RORA: variants seen among roughly 807,000 people sequenced by gnomAD.
RORA encodes the protein RAR related orphan receptor A.
A neutral mutation model predicts 69.5 loss-of-function variants in RORA; 7 were observed. The ratio of observed to expected loss-of-function variants is 0.10; its 90% CI spans 0.06 to 0.19. The LOEUF (loss-of-function observed/expected upper bound fraction) is 0.19, where lower values mean the gene tolerates loss of function less well. RORA is among the 10% of genes least tolerant of loss of function. The pLI, the probability that RORA is intolerant of heterozygous loss-of-function variation, is 1.00. For missense variants in RORA, 457 were observed against 663.0 expected, an observed-to-expected ratio of 0.69 and a Z score of 3.41; for synonymous variants, 261 against 240.8, an observed-to-expected ratio of 1.08 and a Z score of -0.78.
intron 1 of RORA, among the ~76,000 whole-genome samples, chr15:61,011,450 A>G (rs536433523): frequency 2.0e-5 from 3 of 152,314 alleles, no homozygotes; most frequent in Non-Finnish European, 4.4e-5. Context: ...TTTTAAATGT[A>G]TAAATCTCAC....
At chr15:60,725,668 G>C (rs1392528801) in intron 1 of RORA, among the ~76,000 whole-genome samples, 1 of 152,032 alleles carries the variant, frequency 6.6e-6, no homozygotes, top group African/African-American at 2.4e-5. Context: ...TATTCTTTTT[G>C]TTCTTTTTTG....
chr15:60,679,777 C>T (rs555548950), intron 1 of RORA, among the ~76,000 whole-genome samples: 11 of 152,168 alleles, frequency 7.2e-5, no homozygotes, highest in Admixed American at 2.6e-4. Context: ...AAGTTGGTTC[C>T]GAAGTTGTGA....
At chr15:60,938,053 C>A (rs1892578513) in intron 1 of RORA, among the ~76,000 whole-genome samples, 1 of 152,030 alleles carries the variant, frequency 6.6e-6, no homozygotes, top group Admixed American at 6.6e-5. Flanking sequence ...GAATTTGAAC[C>A]TAGGTTTTTA....
At chr15:60,809,526 T>A (rs2072711602) in intron 1 of RORA, among the ~76,000 whole-genome samples, 1 of 152,246 alleles carries the variant, frequency 6.6e-6, no homozygotes, top group Non-Finnish European at 1.5e-5. Context: ...AACAGGTTTA[T>A]GTAACTACTT....
intron 10 of RORA, among the ~76,000 whole-genome samples, chr15:60,498,799 A>G (rs1263013594): frequency 6.6e-6 from 1 of 152,132 alleles, no homozygotes; most frequent in Non-Finnish European, 1.5e-5. Flanking sequence ...GCAAAATCAA[A>G]AAGCAAAACA....
intron 1 of RORA, among the ~76,000 whole-genome samples, chr15:60,970,842 A>G (rs1893692840): frequency 6.6e-6 from 1 of 152,184 alleles, no homozygotes; most frequent in South Asian, 2.1e-4. Flanking sequence ...ATCACACTCT[A>G]AAATGAAAAG....
At chr15:60,543,863 C>T (rs781477441) in intron 2 of RORA, among the ~76,000 whole-genome samples, 5 of 152,086 alleles carry the variant, frequency 3.3e-5, no homozygotes, top group African/African-American at 7.2e-5. Context: ...TGTTGTGTAA[C>T]GACATGGAGT....
At position 60,496,234 on chromosome 15, in the gene RORA, A is replaced by G. The variant is rs1370454291; in HGVS notation, c.*1221T>C. ...AAGAACATAAACATTCACAAAGTAA[A>G]TACTTCATGTCCTCACATGGGGAGT... On this transcript the variant is annotated 3_prime_UTR_variant, in exon 11 of 11. Coordinates refer to ENST00000335670, the MANE Select transcript of RORA (RefSeq NM_134261.3). The surrounding 1 kb of genome is among the most constrained non-coding windows in gnomAD (Gnocchi z 4.5). 1.3e-5 allele frequency: 2 copies of G among 152,338 alleles called. No individual in the cohort carries two copies. The highest frequency in any genetic ancestry group is 2.9e-5 in the Non-Finnish European group (2 of 68,030). 9.4% of individuals were successfully genotyped at this position (152,338 alleles called of 1,614,324 possible).
chr15:61,087,963 G>A (rs924025885), intron 1 of RORA, among the ~76,000 whole-genome samples: 1 of 152,202 alleles, frequency 6.6e-6, no homozygotes, highest in African/African-American at 2.4e-5. Flanking sequence ...TCAGGGATAC[G>A]GCCTACGCCA....
At chr15:60,911,048 G>T (rs28671315) in intron 1 of RORA, among the ~76,000 whole-genome samples, 1 of 144,522 alleles carries the variant, frequency 6.9e-6, no homozygotes. Flanking sequence ...GATTACAGGC[G>T]CCCACCACCA....
At chr15:60,762,441 G>C (rs1452423944) in intron 1 of RORA, among the ~76,000 whole-genome samples, 2 of 152,182 alleles carry the variant, frequency 1.3e-5, no homozygotes, top group East Asian at 3.8e-4. Context: ...AGAGGCCTGG[G>C]CCTTGCCCCA....
intron 2 of RORA, among the ~76,000 whole-genome samples, chr15:60,571,091 A>G (rs1000826725): frequency 2.0e-5 from 3 of 151,862 alleles, no homozygotes; most frequent in African/African-American, 7.3e-5. Flanking sequence ...TCTATAATCA[A>G]TTCTGGAAAT....
chr15:61,209,077 A>G (rs1419274265), intron 1 of RORA, among the ~76,000 whole-genome samples: 1 of 152,210 alleles, frequency 6.6e-6, no homozygotes, highest in East Asian at 1.9e-4. Context: ...AGATTCACAG[A>G]TGAGTTTTTC....
Position 61,137,337 on chromosome 15 carries a change from T to C in RORA, c.166+91716A>G, listed in dbSNP as rs575938162. On this transcript the variant is annotated intron_variant, in intron 1 of 10. Coordinates refer to ENST00000335670, the MANE Select transcript of RORA (RefSeq NM_134261.3). Reference sequence around the variant, plus strand: ...GCAACAGCAGTTATAGCTCTAACTTTCATTTTCTCTCTGGCGCCCAAAGTG... The same window carrying C: ...GCAACAGCAGTTATAGCTCTAACTTCCATTTTCTCTCTGGCGCCCAAAGTG... Among the ~76,000 whole-genome samples the C allele has an allele frequency of 3.3e-4, 50 of 152,348 alleles. 1 individual carries two copies. The highest frequency in any genetic ancestry group is 1.2e-3 in the African/African-American group (48 of 41,582).
At chr15:60,523,049 A>G (rs1323926950) in intron 3 of RORA, among the ~76,000 whole-genome samples, 1 of 133,850 alleles carries the variant, frequency 7.5e-6, no homozygotes, top group Admixed American at 7.3e-5. Context: ...AAAAAAAAAC[A>G]CAAAAAAAAA....
chr15:60,899,747 G>C (rs1473317077), intron 1 of RORA, among the ~76,000 whole-genome samples: 1 of 152,206 alleles, frequency 6.6e-6, no homozygotes, highest in Non-Finnish European at 1.5e-5. Context: ...AGATTAAATA[G>C]AGCTTTATCA....
intron 1 of RORA, among the ~76,000 whole-genome samples, chr15:61,217,745 G>A (rs1272236093): frequency 6.6e-6 from 1 of 152,124 alleles, no homozygotes; most frequent in Non-Finnish European, 1.5e-5. Flanking sequence ...CTTACACACT[G>A]ATGTCAGCTC....
In RORA at chr15:61,041,705, C is replaced by T. The variant is rs548775575; in HGVS notation, c.166+187348G>A. Among the ~76,000 whole-genome samples, 58 of 152,170 alleles carry T rather than the reference C, an allele frequency of 3.8e-4. No homozygotes were observed. The South Asian group carries it at 5.2e-3, about 14-fold the overall frequency. On this transcript the variant is annotated intron_variant, in intron 1 of 10. Transcript: ENST00000335670. Reference sequence around the variant, plus strand: ...TCCCAAAGTGCTGGAATTACAGGCGCGAGCCACCATGCCCAGCTAGTATGT... The same window carrying T: ...TCCCAAAGTGCTGGAATTACAGGCGTGAGCCACCATGCCCAGCTAGTATGT...
intron 1 of RORA, among the ~76,000 whole-genome samples, chr15:61,085,422 A>C (rs12441058): frequency 0.26 from 38,996 of 152,188 alleles, 5,744 homozygotes; most frequent in Non-Finnish European, 0.35. Context: ...ATCTGGCTGG[A>C]TGATGAATCA....
Sources: allele counts gnomAD v4.1 joint callset (sites outside exome capture counted in the v4.1 genomes callset), GRCh38; gene constraint gnomAD v4.1.1; non-coding constraint Gnocchi (gnomAD v3.1); transcripts MANE v1.5; gene names NCBI Gene and HGNC (gene_info 2026-07-23, HGNC 2026-07-21).